SLC35F3: variants seen among roughly 807,000 people sequenced by gnomAD.
SLC35F3 encodes the protein putative thiamine transporter SLC35F3.
In SLC35F3, 25 loss-of-function variants were observed where a neutral mutation model predicts 49.9. The observed-to-expected ratio is 0.50, with a 90% CI of 0.37 to 0.70. The LOEUF (loss-of-function observed/expected upper bound fraction) is 0.70. SLC35F3 is among the 30% of genes least tolerant of loss of function. The probability of loss-of-function intolerance (pLI) is 0.00; values close to 1 mark genes in which losing one functional copy is unlikely to be tolerated. For synonymous variants in SLC35F3, 275 were observed against 265.4 expected (o/e 1.04, Z -0.35); for missense variants, 525 against 639.8 (o/e 0.82, Z 1.94).
At chr1:234,177,811 T>C (rs1666498504) in intron 2 of SLC35F3, among the ~76,000 whole-genome samples, 1 of 152,240 alleles carries the variant, frequency 6.6e-6, no homozygotes, top group Admixed American at 6.5e-5. Context: ...TTGGAACATA[T>C]GGATTGGAAC....
rs1667593466 is a variant in SLC35F3, at chr1:234,243,983, G to A, written c.608+12242G>A. Among the ~76,000 whole-genome samples the A allele has an allele frequency of 2.0e-5, 3 of 152,208 alleles. No homozygotes were observed. In the South Asian group the frequency reaches 6.2e-4, roughly 32 times the overall value. On this transcript the variant is annotated intron_variant, in intron 3 of 7. Transcript: ENST00000366618. ...TCAAGGGATTGCATAGCTGCAAGGT[G>A]GGAGAAGGCTCACCAACGGGTGAAA...
Position 234,281,077 on chromosome 1 carries a change from T to G in SLC35F3, c.609-28024T>G, listed in dbSNP as rs1182524851. On this transcript the variant is annotated intron_variant, in intron 3 of 7. Coordinates refer to ENST00000366618, the MANE Select transcript of SLC35F3 (RefSeq NM_173508.4). Reference sequence around the variant, plus strand: ...CTTATGTGAGTGTTATGGGCTAAATTGTGTCCCCCCCCCATGCTCAAATTC... The same window carrying G: ...CTTATGTGAGTGTTATGGGCTAAATGGTGTCCCCCCCCCATGCTCAAATTC... Among the ~76,000 whole-genome samples, 5 of 147,156 alleles carry G rather than the reference T, an allele frequency of 3.4e-5. No homozygotes were observed. In the East Asian group the frequency reaches 9.8e-4, roughly 29 times the overall value.
At chr1:234,161,661 C>T (rs1418132989) in intron 2 of SLC35F3, among the ~76,000 whole-genome samples, 1 of 151,986 alleles carries the variant, frequency 6.6e-6, no homozygotes, top group African/African-American at 2.4e-5. Flanking sequence ...TAAAACTTAG[C>T]GAGGTGTGGT....
rs375729830 is a variant in SLC35F3 at position 234,264,967 on chromosome 1, T to A, written c.608+33226T>A. Among the ~76,000 whole-genome samples the A allele has an allele frequency of 6.9e-4, 105 of 152,330 alleles. 4 individuals are homozygous for A. The highest frequency in any genetic ancestry group is 5.4e-3 in the East Asian group (28 of 5,190). On this transcript the variant is annotated intron_variant, in intron 3 of 7. Transcript: ENST00000366618. The stretch of plus-strand genomic sequence containing the variant: ...GCTGTTCCTTCTCAGGCTGCTTTAC[T>A]GGTTCCTCCGGCCTCCCTGAACTCT...
intron 5 of SLC35F3, among the ~76,000 whole-genome samples, chr1:234,317,383 C>T (rs1485062600): frequency 1.1e-4 from 16 of 151,318 alleles, no homozygotes; most frequent in Admixed American, 3.3e-4. Flanking sequence ...CTGCTCTCCC[C>T]CCTCACTTCC....
intron 2 of SLC35F3, among the ~76,000 whole-genome samples, chr1:234,193,339 G>A (rs946658360): frequency 2.6e-5 from 4 of 152,140 alleles, no homozygotes; most frequent in Admixed American, 2.6e-4. Context: ...AACATAAAGT[G>A]TGGAAAGGCC....
chr1:233,931,020 CACAA>C (rs1211464594), intron 2 of SLC35F3, among the ~76,000 whole-genome samples: 1 of 152,122 alleles, frequency 6.6e-6, no homozygotes, highest in Non-Finnish European at 1.5e-5. Flanking sequence ...TCAAACTTGA[CACAA>C]ACAAGCAATG....
At chr1:233,910,485 G>A (rs1462333567) in intron 2 of SLC35F3, among the ~76,000 whole-genome samples, 1 of 152,318 alleles carries the variant, frequency 6.6e-6, no homozygotes, top group East Asian at 1.9e-4. Flanking sequence ...TCAGCAGTCA[G>A]TGTATGTCAG....
chr1:233,964,909 C>T (rs1316369344), intron 2 of SLC35F3, among the ~76,000 whole-genome samples: 2 of 152,218 alleles, frequency 1.3e-5, no homozygotes, highest in Non-Finnish European at 2.9e-5. Context: ...AACTAGTGCA[C>T]ACTAACCTCT....
At chr1:234,188,895 T>C (rs144491216) in intron 2 of SLC35F3, among the ~76,000 whole-genome samples, 452 of 152,256 alleles carry the variant, frequency 3.0e-3, no homozygotes, top group African/African-American at 0.01. Flanking sequence ...AGACATCTCC[T>C]AGTACCAGCC....
At chr1:233,970,574 T>A (rs972292880) in intron 2 of SLC35F3, among the ~76,000 whole-genome samples, 69 of 152,294 alleles carry the variant, frequency 4.5e-4, no homozygotes, top group African/African-American at 1.6e-3. Flanking sequence ...TCCTAACCCC[T>A]AGTATCTCCG....
intron 3 of SLC35F3, among the ~76,000 whole-genome samples, chr1:234,232,293 T>G (rs1180045110): frequency 6.6e-6 from 1 of 152,036 alleles, no homozygotes; most frequent in Non-Finnish European, 1.5e-5. Flanking sequence ...GACTATATTT[T>G]CTCAAATGGA....
chr1:234,300,549 T>A (rs1242259460), intron 3 of SLC35F3, among the ~76,000 whole-genome samples: 1 of 152,222 alleles, frequency 6.6e-6, no homozygotes, highest in Non-Finnish European at 1.5e-5. Context: ...ACACAGAGTG[T>A]ATGTTCTAGT....
At chr1:234,210,378 C>T (rs923954631) in intron 2 of SLC35F3, among the ~76,000 whole-genome samples, 8 of 152,072 alleles carry the variant, frequency 5.3e-5, no homozygotes, top group Non-Finnish European at 1.0e-4. Context: ...TGAAACTGAG[C>T]AATAGGCAGA....
intron 2 of SLC35F3, among the ~76,000 whole-genome samples, chr1:233,950,416 T>C (rs372120967): frequency 8.8e-6 from 1 of 113,352 alleles, no homozygotes; most frequent in South Asian, 2.6e-4. Flanking sequence ...AAAATGAAAA[T>C]AAGGTAGAAA....
intron 3 of SLC35F3, among the ~76,000 whole-genome samples, chr1:234,252,773 C>A (rs1667757603): frequency 6.6e-6 from 1 of 152,204 alleles, no homozygotes; most frequent in Non-Finnish European, 1.5e-5. Flanking sequence ...CAAGGCAGTA[C>A]TCACGACACT....
chr1:234,310,551 A>G (rs1417329703), intron 4 of SLC35F3, among the ~76,000 whole-genome samples: 1 of 152,228 alleles, frequency 6.6e-6, no homozygotes, highest in Non-Finnish European at 1.5e-5. Flanking sequence ...GCATCTCTGC[A>G]AGAAATGCAG....
At chr1:234,226,380 T>C (rs575032012) in intron 2 of SLC35F3, among the ~76,000 whole-genome samples, 1 of 152,014 alleles carries the variant, frequency 6.6e-6, no homozygotes, top group African/African-American at 2.4e-5. Context: ...GGGTAAACTC[T>C]CTGGAGACTT....
At chr1:234,220,265 A>G (rs1257827089) in intron 2 of SLC35F3, among the ~76,000 whole-genome samples, 4 of 152,096 alleles carry the variant, frequency 2.6e-5, no homozygotes, top group African/African-American at 9.7e-5. Flanking sequence ...TAAGAGACAG[A>G]GTGGATCCAA....
Sources: gnomAD v4.1 joint callset for allele counts (sites outside exome capture counted in the v4.1 genomes callset) on GRCh38, gnomAD v4.1.1 for gene constraint, MANE v1.5 for transcripts, NCBI Gene and HGNC (gene_info 2026-07-23, HGNC 2026-07-21) for gene names.